Variants in APOB observed in about 807,000 individuals in gnomAD.
APOB encodes the protein apolipoprotein B.
A neutral mutation model predicts 314.1 loss-of-function variants in APOB; 153 were observed. That is an observed-to-expected ratio of 0.49 (90% CI 0.43 to 0.56). The LOEUF is 0.56. APOB is among the 20% of genes least tolerant of loss of function. The pLI is 0.00. For missense variants in APOB, 5,430 were observed against 5,350.7 expected, an observed-to-expected ratio of 1.01 and a Z score of -0.46; for synonymous variants, 2,087 against 2,036.4, an observed-to-expected ratio of 1.02 and a Z score of -0.67.
intron 19 of APOB, among the ~76,000 whole-genome samples, chr2:21,019,449 G>A (rs1663545841): frequency 6.6e-6 from 1 of 152,134 alleles, no homozygotes; most frequent in Admixed American, 6.5e-5. Context: ...GCTCCAGGAA[G>A]CTCATAGCGA....
At chr2:21,015,628 G>T (rs1663446716) in intron 21 of APOB, 83 bp from the exon 22 acceptor site, 2 of 1,466,622 alleles carry the variant, frequency 1.4e-6, no homozygotes, top group Non-Finnish European at 1.9e-6. Flanking sequence ...TTCCATTTGT[G>T]GTGATCAAAA....
Position 21,033,429 on chromosome 2 carries a change from G to A in APOB, c.994C>T (p.Leu332=), listed in dbSNP as rs766104996. Residue 332 remains leucine, a synonymous_variant, in exon 9 of 29, where the codon CTG becomes TTG. Transcript: ENST00000233242. ...TGCTCAGAGATGGTTAGTTTTTTCA[G>A]TTCCTGGAGAGTCTTCAAAACAGCT... ...AEAVLKTLQE[L]KKLTISEQNI... 6.2e-7 allele frequency: 1 copy of A among 1,614,144 alleles called. No individual in the cohort carries two copies. Among genetic ancestry groups the A allele is most frequent in the Middle Eastern group, 1.6e-4 (1 of 6,062 alleles).
At chr2:21,023,315 TC>T (rs1269250949) in intron 17 of APOB, among the ~76,000 whole-genome samples, 2 of 152,204 alleles carry the variant, frequency 1.3e-5, no homozygotes, top group Non-Finnish European at 2.9e-5. Flanking sequence ...AGAACTGAGT[TC>T]TTGTCTTATG....
At chr2:21,023,071 T>G in intron 17 of APOB, 29 bp from the exon 18 acceptor site, 1 of 1,593,092 alleles carries the variant, frequency 6.3e-7, no homozygotes, top group Non-Finnish European at 8.6e-7. Flanking sequence ...CCTATTCAGA[T>G]TCATTAAATA....
Position 21,007,146 on chromosome 2 carries a change from T to G in APOB, c.9722A>C (p.Glu3241Ala). 2 of 1,614,016 alleles carry G rather than the reference T, an allele frequency of 1.2e-6. No individual in the cohort carries two copies. The highest frequency in any genetic ancestry group is 1.7e-6 in the Non-Finnish European group (2 of 1,179,946). ...DKYKAEKSHD[E>A]LPRTFQIPGY... ...AGGAATTTGAAAGGTCCTGGGGAGC[T>G]CGTCGTGAGATTTTTCAGCTTTGTA... Residue 3241 changes from glutamate (E) to alanine (A), a missense_variant, in exon 26 of 29, where the codon GAG becomes GCG. Physicochemically the swap from Glu to Ala is moderately radical, Grantham distance 107. This residue lies in a region of APOB where 3,281 missense variants were observed against 3,171.0 expected (regional missense o/e 1.03). Transcript: ENST00000233242.
At chr2:21,040,565 C>T (rs1664105644) in intron 4 of APOB, among the ~76,000 whole-genome samples, 1 of 152,016 alleles carries the variant, frequency 6.6e-6, no homozygotes, top group Non-Finnish European at 1.5e-5. Context: ...ACAGACCCTG[C>T]CCCGCCATGT....
At chr2:21,014,924 T>C (rs1558566911) in intron 23 of APOB, 149 bp downstream of exon 23, 1 of 854,042 alleles carries the variant, frequency 1.2e-6, no homozygotes, top group South Asian at 1.5e-5. Context: ...TACACACTTG[T>C]GAAAGTTTTT....
rs1558564156 is a variant in APOB at position 21,010,324 on chromosome 2, C to A, written c.6544G>T (p.Asp2182Tyr). 2 of 1,554,520 alleles carry A rather than the reference C, an allele frequency of 1.3e-6. No homozygotes were observed. ...SQLQTYMIQF[D>Y]QYIKDSYDLH... ...TCATAACTATCTTTAATATACTGAT[C>A]AAATTGTATCATATATGTCTGCAGT... Residue 2182 changes from aspartate (D) to tyrosine (Y), a missense_variant, in exon 26 of 29, where the codon GAT (aspartate) becomes TAT (tyrosine). Coordinates refer to ENST00000233242, the MANE Select transcript of APOB (RefSeq NM_000384.3).
intron 6 of APOB, 148 bp from the exon 7 acceptor site, chr2:21,035,856 A>AG: frequency 1.2e-6 from 1 of 859,428 alleles, no homozygotes; most frequent in Non-Finnish European, 1.9e-6. Context: ...CATTTAGACC[A>AG]GGGGGTGCAA....
rs560821395 is a variant in APOB at position 21,019,364 on chromosome 2, G to A, written c.3000-251C>T. Reference sequence around the variant, plus strand: ...TGGCTGGTTGTTTCAGCAAAGCTGAGAACAAGCACTGGAACTTGGGGGCTG... The same window carrying A: ...TGGCTGGTTGTTTCAGCAAAGCTGAAAACAAGCACTGGAACTTGGGGGCTG... On this transcript the variant is annotated intron_variant, in intron 19 of 28. Transcript: ENST00000233242. Among the ~76,000 whole-genome samples, 90 of 152,216 alleles carry A rather than the reference G, an allele frequency of 5.9e-4. 4 individuals carry two copies. The South Asian group carries it at 0.019, about 32-fold the overall frequency.
chr2:21,014,881 T>A (rs750085629), intron 23 of APOB, among the ~76,000 whole-genome samples, 192 bp downstream of exon 23: 19 of 152,236 alleles, frequency 1.2e-4, no homozygotes, highest in Non-Finnish European at 2.1e-4. Flanking sequence ...CTCTTTGATA[T>A]GTATCACATT....
intron 2 of APOB, among the ~76,000 whole-genome samples, chr2:21,042,945 C>T (rs1664167089): frequency 6.6e-6 from 1 of 150,626 alleles, no homozygotes. Flanking sequence ...CTGGAGGTTT[C>T]CACTGTAGTT....
chr2:21,022,092 G>C (rs750812257), intron 18 of APOB, among the ~76,000 whole-genome samples: 1 of 152,116 alleles, frequency 6.6e-6, no homozygotes, highest in East Asian at 1.9e-4. Flanking sequence ...AGTAGCTGGA[G>C]CTACAGGCAT....
At position 21,040,916 on chromosome 2, in the gene APOB, G is replaced by A. The variant is rs763124130; in HGVS notation, c.383+22C>T. ...TCAGCGGACACACACACATGCGTGT[G>A]CTCATGTACAACATGACTTACCTGG... is the stretch of plus-strand genomic sequence containing the variant. On this transcript the variant is annotated intron_variant, in intron 4 of 28. Coordinates refer to ENST00000233242, the MANE Select transcript of APOB (RefSeq NM_000384.3). The A allele has an allele frequency of 8.1e-6, 13 of 1,612,642 alleles. No homozygotes were observed. The Admixed American group carries it at 1.3e-4, about 17-fold the overall frequency.
rs747072415 is a variant in APOB at position 21,003,083 on chromosome 2, C to T, written c.12339G>A (p.Glu4113=). Residue 4113 remains glutamate (E), a synonymous_variant, in exon 29 of 29, where the codon GAG becomes GAA. Transcript: ENST00000233242. ...GCCTAATGGCCCCTTGATAAACCCA[C>T]TCAGCATTGTTCTGCAGATTTCTTC... ...KLRRNLQNNA[E]WVYQGAIRQI... is the part of the protein sequence containing the mutation. The T allele has an allele frequency of 2.0e-5, 31 of 1,585,846 alleles. No individual in the cohort carries two copies. The highest frequency in any genetic ancestry group is 2.7e-5 in the African/African-American group (2 of 73,770).
intron 24 of APOB, among the ~76,000 whole-genome samples, chr2:21,013,820 C>A (rs563567651): frequency 2.0e-5 from 3 of 152,332 alleles, no homozygotes; most frequent in Admixed American, 1.3e-4. Flanking sequence ...GCACCTTTCT[C>A]AAAGAGCATG....
rs769700242 is a variant in APOB, at chr2:21,012,386, C to T, written c.4482G>A (p.Ser1494=). Residue 1494 remains serine, a synonymous_variant, in exon 26 of 29, where the codon TCG becomes TCA. Transcript: ENST00000233242. ...VKIDGQFRVS[S]FYAKGTYGLS... is the part of the protein sequence containing the mutation. ...GGCCATATGTGCCTTTAGCATAGAA[C>T]GAAGAGACTCTGAACTGCCCATCAA... 1.1e-5 allele frequency: 18 copies of T among 1,614,040 alleles called. No individual in the cohort carries two copies. The highest frequency in any genetic ancestry group is 6.7e-5 in the African/African-American group (5 of 74,910).
chr2:21,011,811 G>T lies in APOB; in HGVS notation c.5057C>A (p.Thr1686Lys). ...ATTGTGTTCCCTGAAGCGGCCATTTGTTGTTAATTTCATAGATGCCCCAGA... is the reference window on the plus strand; with the variant it reads ...ATTGTGTTCCCTGAAGCGGCCATTTTTTGTTAATTTCATAGATGCCCCAGA... ...GLSGASMKLT[T>K]NGRFREHNAK... Residue 1686 changes from threonine (T) to lysine (K), a missense_variant, in exon 26 of 29, where the codon ACA becomes AAA. By Grantham distance (78) the Thr-to-Lys change is moderately conservative (BLOSUM62 -1). Around this residue, in one of 3 missense-constraint regions of APOB, gnomAD observed 2,085 missense variants for 2,079.7 expected, o/e 1.00. Transcript: ENST00000233242. 1.2e-6 allele frequency: 2 copies of T among 1,614,122 alleles called. No individual in the cohort carries two copies. The highest frequency in any genetic ancestry group is 1.7e-6 in the Non-Finnish European group (2 of 1,180,018).
rs1417336325 is a variant in APOB at position 21,011,556 on chromosome 2, T to C, written c.5312A>G (p.Asp1771Gly). ...AAACTTGTCAGAGCTGTAAATGTTG[T>C]CAAGTTTTGAAGAGAAGTCCAGTGA... is the stretch of plus-strand genomic sequence containing the variant. ...GLSLDFSSKL[D>G]NIYSSDKFYK... The change falls in exon 26 of 29, where the codon GAC becomes GGC. Residue 1771 changes from aspartate to glycine, a missense_variant. By Grantham distance (94) the Asp-to-Gly change is moderately conservative (BLOSUM62 -1). This residue lies in a region of APOB where 64 missense variants were observed against 99.9 expected (regional missense o/e 0.64). Transcript: ENST00000233242. 6.2e-7 allele frequency: 1 copy of C among 1,614,182 alleles called. No homozygotes were observed. Among genetic ancestry groups the C allele is most frequent in the South Asian group, 1.1e-5 (1 of 91,080 alleles).
Sources: allele counts gnomAD v4.1 joint callset (sites outside exome capture counted in the v4.1 genomes callset), GRCh38; gene constraint gnomAD v4.1.1; regional missense constraint gnomAD v4.1.1; transcripts MANE v1.5; gene names NCBI Gene and HGNC (gene_info 2026-07-23, HGNC 2026-07-21).